Variants in CATSPERB observed in about 807,000 individuals in gnomAD.
CATSPERB encodes cation channel sperm-associated auxiliary subunit beta.
CATSPERB carries 93 observed loss-of-function variants against 128.3 expected under a neutral mutation model. The observed-to-expected ratio is 0.72, with a 90% CI of 0.61 to 0.86. The LOEUF (loss-of-function observed/expected upper bound fraction) is 0.86, where lower values mean the gene tolerates loss of function less well. CATSPERB is among the 40% of genes least tolerant of loss of function. The pLI is 0.00. For synonymous variants in CATSPERB, 381 were observed against 448.8 expected (o/e 0.85, Z 1.91); for missense variants, 1,153 against 1,329.5 (o/e 0.87, Z 2.06).
intron 26 of CATSPERB, among the ~76,000 whole-genome samples, chr14:91,582,872 T>G (rs1021962013): frequency 6.6e-6 from 1 of 152,208 alleles, no homozygotes. Flanking sequence ...TATACTTGGA[T>G]GCAGGACAGG....
In CATSPERB at chr14:91,643,972, C is replaced by T. The variant is rs1894544157; in HGVS notation, c.1433-4722G>A. Among the ~76,000 whole-genome samples, 2 of 138,116 alleles carry T rather than the reference C, an allele frequency of 1.4e-5. 1 individual carries two copies. Among genetic ancestry groups the T allele is most frequent in the African/African-American group, 5.5e-5 (2 of 36,264 alleles). The allele number at this position is 138,116 out of a possible 152,430, so 90.6% of individuals were successfully genotyped here. A position where few individuals can be genotyped will look rare whatever the true frequency, so the allele number is the denominator to read the frequency against. ...CCCTTTACCATTATGTAATGGCCTTCTTTGTCTCTTTTGATCCTTGTTGGT... is the reference window on the plus strand; with the variant it reads ...CCCTTTACCATTATGTAATGGCCTTTTTTGTCTCTTTTGATCCTTGTTGGT... On this transcript the variant is annotated intron_variant, in intron 15 of 26. Coordinates refer to ENST00000256343, the MANE Select transcript of CATSPERB (RefSeq NM_024764.4).
intron 5 of CATSPERB, among the ~76,000 whole-genome samples, chr14:91,712,170 T>C (rs1475628436): frequency 6.6e-6 from 1 of 152,198 alleles, no homozygotes; most frequent in Non-Finnish European, 1.5e-5. Context: ...CAATATGTTC[T>C]TGGAAACTAG....
chr14:91,662,833 T>C (rs1451055776), intron 14 of CATSPERB, among the ~76,000 whole-genome samples: 1 of 152,232 alleles, frequency 6.6e-6, no homozygotes, highest in African/African-American at 2.4e-5. Context: ...TTCCACTTGT[T>C]TCCTTTTCTG....
At chr14:91,616,209 A>G (rs1350818262) in intron 20 of CATSPERB, among the ~76,000 whole-genome samples, 1 of 152,074 alleles carries the variant, frequency 6.6e-6, no homozygotes, top group Non-Finnish European at 1.5e-5. Flanking sequence ...TGACTCTACT[A>G]ATTTACATTC....
intron 5 of CATSPERB, among the ~76,000 whole-genome samples, chr14:91,712,164 ATG>A (rs1431286736): frequency 1.3e-5 from 2 of 152,348 alleles, no homozygotes; most frequent in East Asian, 3.8e-4. Context: ...AATCATCAAT[ATG>A]TTCTTGGAAA....
chr14:91,665,074 G>A (rs894077212), intron 14 of CATSPERB, among the ~76,000 whole-genome samples: 4 of 151,936 alleles, frequency 2.6e-5, no homozygotes, highest in Non-Finnish European at 4.4e-5. Context: ...TTATTTTTTG[G>A]TGGAGACAGG....
intron 11 of CATSPERB, among the ~76,000 whole-genome samples, chr14:91,681,855 C>T (rs979977821): frequency 6.6e-5 from 10 of 152,228 alleles, no homozygotes; most frequent in Non-Finnish European, 8.8e-5. Context: ...GGTGAAGGCT[C>T]ATCCTCAACC....
At chr14:91,614,443 G>A (rs1292026706) in intron 20 of CATSPERB, among the ~76,000 whole-genome samples, 5 of 152,276 alleles carry the variant, frequency 3.3e-5, no homozygotes, top group African/African-American at 4.8e-5. Flanking sequence ...TGGGTGGATC[G>A]CTTGAGCCCA....
At position 91,684,615 on chromosome 14, in the gene CATSPERB, T is replaced by C. The variant is rs528785916; in HGVS notation, c.865-672A>G. Among the ~76,000 whole-genome samples, 173 of 150,706 alleles carry C rather than the reference T, an allele frequency of 1.1e-3. 1 individual carries two copies. The highest frequency in any genetic ancestry group is 4.0e-3 in the African/African-American group (166 of 41,214). Reference sequence around the variant, plus strand: ...CATGAGGAGACACTTCTTTTTTTTTTTTTTTTTTTTTTAAATTGAGAAGGA... The same window carrying C: ...CATGAGGAGACACTTCTTTTTTTTTCTTTTTTTTTTTTAAATTGAGAAGGA... On this transcript the variant is annotated intron_variant, in intron 10 of 26. Coordinates refer to ENST00000256343, the MANE Select transcript of CATSPERB (RefSeq NM_024764.4).
At chr14:91,703,620 T>C (rs752327047) in intron 7 of CATSPERB, among the ~76,000 whole-genome samples, 1 of 152,184 alleles carries the variant, frequency 6.6e-6, no homozygotes, top group Admixed American at 6.5e-5. Context: ...TCAATGCCTA[T>C]GTGATAAAGC....
intron 10 of CATSPERB, among the ~76,000 whole-genome samples, chr14:91,688,921 C>T (rs1337393111): frequency 6.6e-6 from 1 of 152,150 alleles, no homozygotes; most frequent in East Asian, 1.9e-4. Context: ...ACCAGCGACT[C>T]TAGTTTTATT....
intron 15 of CATSPERB, among the ~76,000 whole-genome samples, chr14:91,652,487 T>A (rs535267871): frequency 1.4e-5 from 2 of 145,060 alleles, no homozygotes; most frequent in East Asian, 4.0e-4. Context: ...GGTGAAACCC[T>A]GTCTCTACTA....
rs527784870 is a variant in CATSPERB at position 91,681,611 on chromosome 14, G to A, written c.931+2266C>T. Among the ~76,000 whole-genome samples the A allele has an allele frequency of 3.9e-5, 6 of 152,322 alleles. No homozygotes were observed. The South Asian group carries it at 1.2e-3, about 32-fold the overall frequency. On this transcript the variant is annotated intron_variant, in intron 11 of 26. Transcript: ENST00000256343. ...TAAGAATTAAACAATACATACACCA[G>A]TTAGGACAGACATTACTAACCATGC...
intron 17 of CATSPERB, among the ~76,000 whole-genome samples, chr14:91,631,885 A>C (rs1410174896): frequency 6.6e-6 from 1 of 152,164 alleles, no homozygotes; most frequent in East Asian, 1.9e-4. Context: ...AAGTAACTTT[A>C]GACTTTTTAA....
At chr14:91,675,761 C>T (rs1044826859) in intron 11 of CATSPERB, among the ~76,000 whole-genome samples, 8 of 152,138 alleles carry the variant, frequency 5.3e-5, no homozygotes, top group Admixed American at 1.3e-4. Flanking sequence ...CTAAGCCCCC[C>T]ACTCAATCTA....
chr14:91,592,883 C>T (rs961651989), intron 22 of CATSPERB, among the ~76,000 whole-genome samples: 1 of 152,296 alleles, frequency 6.6e-6, no homozygotes, highest in East Asian at 1.9e-4. Context: ...GGCCCAGAGG[C>T]CCAGGAGGAA....
chr14:91,704,460 A>G, intron 7 of CATSPERB, 92 bp downstream of exon 7: 3 of 1,328,878 alleles, frequency 2.3e-6, no homozygotes, highest in Non-Finnish European at 3.1e-6. Flanking sequence ...TTCCTTCCCT[A>G]TGTCTATGCA....
chr14:91,660,896 C>T (rs1894868549), intron 14 of CATSPERB, among the ~76,000 whole-genome samples: 1 of 152,118 alleles, frequency 6.6e-6, no homozygotes, highest in Admixed American at 6.5e-5. Context: ...AGAATATGTA[C>T]AGTACTGATT....
Position 91,603,062 on chromosome 14 carries a change from G to T in CATSPERB, c.2709+5232C>A. 3 of 783,568 alleles carry T rather than the reference G, an allele frequency of 3.8e-6. No homozygotes were observed. In the South Asian group the frequency reaches 4.0e-5, roughly 10 times the overall value. 48.5% of individuals were successfully genotyped at this position (783,568 alleles called of 1,614,324 possible). A position where few individuals can be genotyped will look rare whatever the true frequency, so the allele number is the denominator to read the frequency against. ...TTTGCCTGTGTCTTTTGCCTTTTTG[G>T]GTTTTGGGCCTGCTTTTTTACATTT... On this transcript the variant is annotated intron_variant, in intron 22 of 26. Transcript: ENST00000256343.
Sources: gnomAD v4.1 joint callset for allele counts (sites outside exome capture counted in the v4.1 genomes callset) on GRCh38, gnomAD v4.1.1 for gene constraint, MANE v1.5 for transcripts, NCBI Gene and HGNC (gene_info 2026-07-23, HGNC 2026-07-21) for gene names.